Variants in SUFU observed in about 807,000 individuals in gnomAD.
SUFU encodes the protein SUFU negative regulator of hedgehog signaling.
SUFU carries 7 observed loss-of-function variants against 58.9 expected under a neutral mutation model. The ratio of observed to expected loss-of-function variants is 0.12; its 90% CI spans 0.07 to 0.22. The LOEUF is 0.22. Ranked by LOEUF, SUFU falls within the 10% of genes least tolerant of loss-of-function variation. The pLI, the probability that SUFU is intolerant of heterozygous loss-of-function variation, is 1.00. For synonymous variants in SUFU, 232 were observed against 254.8 expected, an observed-to-expected ratio of 0.91 and a Z score of 0.85; for missense variants, 451 against 641.3, an observed-to-expected ratio of 0.70 and a Z score of 3.20.
rs934595025 is a variant in SUFU, at chr10:102,632,962, C to T, written c.*2807C>T. ...TGCCTCTTCCTGCCCGTATCTTTCT[C>T]TTCCAAGGGCAGTGCTCCAAGGCAG... is the stretch of plus-strand genomic sequence containing the variant. On this transcript the variant is annotated 3_prime_UTR_variant, in exon 12 of 12. Coordinates refer to ENST00000369902, the MANE Select transcript of SUFU (RefSeq NM_016169.4). 4.3e-5 allele frequency: 10 copies of T among 233,344 alleles called. No homozygotes were observed. The highest frequency in any genetic ancestry group is 8.8e-5 in the African/African-American group (4 of 45,350). The allele number at this position is 233,344 out of a possible 1,614,324, so 14.5% of individuals were successfully genotyped here.
chr10:102,581,957 A>C (rs1051169534), intron 3 of SUFU, among the ~76,000 whole-genome samples: 1 of 151,880 alleles, frequency 6.6e-6, no homozygotes, highest in Admixed American at 6.6e-5. Context: ...GCTTTGGGTC[A>C]CCTCCCATTT....
chr10:102,589,442 C>CTTTCTTTTTTTTT (rs1554851911), intron 3 of SUFU, among the ~76,000 whole-genome samples: 1 of 65,358 alleles, frequency 1.5e-5, no homozygotes, highest in African/African-American at 6.3e-5. Flanking sequence ...TTCTTTCTTT[C>CTTTCTTTTTTTTT]TTTTTTTTTT....
chr10:102,596,064 G>A (rs946008985), intron 6 of SUFU, among the ~76,000 whole-genome samples: 15 of 152,152 alleles, frequency 9.9e-5, no homozygotes, highest in African/African-American at 3.1e-4. Flanking sequence ...GCCTCTTCCT[G>A]CTCGGAACCC....
intron 2 of SUFU, among the ~76,000 whole-genome samples, chr10:102,548,932 A>G (rs1347032444): frequency 6.6e-6 from 1 of 152,228 alleles, no homozygotes; most frequent in Non-Finnish European, 1.5e-5. Context: ...AGGGCAACCC[A>G]TGCATCTCTA....
intron 2 of SUFU, among the ~76,000 whole-genome samples, chr10:102,535,819 T>G (rs1173634141): frequency 6.6e-6 from 1 of 152,194 alleles, no homozygotes; most frequent in Non-Finnish European, 1.5e-5. Flanking sequence ...CCTTGGCATA[T>G]GCATATGAAC....
At chr10:102,592,501 TG>T in intron 3 of SUFU, 80 bp from the exon 4 acceptor site, 1 of 1,573,680 alleles carries the variant, frequency 6.4e-7, no homozygotes, top group Non-Finnish European at 8.7e-7. Flanking sequence ...CCTCCCAGCC[TG>T]GGCTAGTGAG....
At chr10:102,582,876 G>T (rs1312245803) in intron 3 of SUFU, among the ~76,000 whole-genome samples, 1 of 152,162 alleles carries the variant, frequency 6.6e-6, no homozygotes, top group Admixed American at 6.5e-5. Context: ...CTGGGTGCGG[G>T]GGAGCCTCTG....
intron 2 of SUFU, among the ~76,000 whole-genome samples, chr10:102,535,356 C>T (rs1205276616): frequency 3.3e-5 from 5 of 151,896 alleles, no homozygotes; most frequent in Non-Finnish European, 7.4e-5. Context: ...CATGGTGGCA[C>T]ACGCCTGTAG....
intron 3 of SUFU, among the ~76,000 whole-genome samples, chr10:102,578,546 A>G (rs978462010): frequency 6.6e-6 from 1 of 151,936 alleles, no homozygotes; most frequent in Non-Finnish European, 1.5e-5. Flanking sequence ...TGTCTGTACT[A>G]AAAGTACAAA....
At chr10:102,607,529 T>C (rs1211573591) in intron 8 of SUFU, among the ~76,000 whole-genome samples, 1 of 152,160 alleles carries the variant, frequency 6.6e-6, no homozygotes, top group African/African-American at 2.4e-5. Context: ...CACAAACTGA[T>C]GGTGCAGTTA....
chr10:102,582,129 G>GT, intron 3 of SUFU, among the ~76,000 whole-genome samples: 1 of 152,284 alleles, frequency 6.6e-6, no homozygotes, highest in Non-Finnish European at 1.5e-5. Context: ...GGCTTTCACA[G>GT]CGCCAAGCTT....
chr10:102,592,838 C>G, intron 4 of SUFU, 114 bp downstream of exon 4: 1 of 1,225,982 alleles, frequency 8.2e-7, no homozygotes, highest in Non-Finnish European at 1.2e-6. Context: ...TGGCCTCGTC[C>G]TGATTTCTGT....
intron 2 of SUFU, among the ~76,000 whole-genome samples, chr10:102,517,055 G>A (rs907079271): frequency 6.6e-6 from 1 of 150,670 alleles, no homozygotes. Flanking sequence ...TCCAGGAGGT[G>A]GAGGTTGCAG....
At position 102,629,251 on chromosome 10, in the gene SUFU, T is replaced by A. The variant is rs1011928633; in HGVS notation, c.1366-815T>A. 1.3e-5 allele frequency among the ~76,000 whole-genome samples: 2 copies of A among 152,214 alleles called. No homozygotes were observed. Among genetic ancestry groups the A allele is most frequent in the African/African-American group, 4.8e-5 (2 of 41,456 alleles). On this transcript the variant is annotated intron_variant, in intron 11 of 11. Coordinates refer to ENST00000369902, the MANE Select transcript of SUFU (RefSeq NM_016169.4). This position sits in a 1 kb window ranked among gnomAD's most constrained non-coding sequence, Gnocchi z 4.7. ...AGCTCCATCTGTGTGCCAGACTGCA[T>A]GCAAAGTTCTACAGTAAAGAGGGAA...
intron 3 of SUFU, among the ~76,000 whole-genome samples, chr10:102,582,474 A>AT (rs1364295558): frequency 6.6e-6 from 1 of 152,070 alleles, no homozygotes; most frequent in African/African-American, 2.4e-5. Context: ...TCAAACCACC[A>AT]TAACTGAAGC....
At position 102,615,353 on chromosome 10, in the gene SUFU, C is replaced by T; in HGVS notation, c.1108C>T (p.His370Tyr). ...TCGCACGCGGCAGCTTGAGAGCGTA[C>T]ATCTGAAATTCAACCAGGAGTCCGG... is the stretch of plus-strand genomic sequence containing the variant. ...LIRTRQLESV[H>Y]LKFNQESGAL... The change falls in exon 9 of 12, where the codon CAT becomes TAT. Residue 370 changes from histidine (H) to tyrosine (Y), a missense_variant. Transcript: ENST00000369902. The T allele has an allele frequency of 1.2e-6, 2 of 1,614,140 alleles. No homozygotes were observed. Among genetic ancestry groups the T allele is most frequent in the Non-Finnish European group, 8.5e-7 (1 of 1,179,998 alleles).
rs1460626716 is a variant in SUFU, at chr10:102,629,848, C to T, written c.1366-218C>T. Among the ~76,000 whole-genome samples, 1 of 152,192 alleles carries T rather than the reference C, an allele frequency of 6.6e-6. No homozygotes were observed. The highest frequency in any genetic ancestry group is 1.5e-5 in the Non-Finnish European group (1 of 68,036). On this transcript the variant is annotated intron_variant, in intron 11 of 11. Transcript: ENST00000369902. This position sits in a 1 kb window ranked among gnomAD's most constrained non-coding sequence, Gnocchi z 4.7. ...GGAGAAAACGCCCTCCTCCAACCTG[C>T]CTCATTATTGACAGGCCGTGGGGAA...
chr10:102,603,056 C>G (rs2063528851), intron 8 of SUFU, among the ~76,000 whole-genome samples: 1 of 152,192 alleles, frequency 6.6e-6, no homozygotes, highest in South Asian at 2.1e-4. Context: ...TGGGCATCCT[C>G]TCTGTCTGAG....
chr10:102,535,812 T>A (rs1433384832), intron 2 of SUFU, among the ~76,000 whole-genome samples: 1 of 152,180 alleles, frequency 6.6e-6, no homozygotes, highest in Non-Finnish European at 1.5e-5. Context: ...GCCATGTCCT[T>A]GGCATATGCA....
Sources: allele counts gnomAD v4.1 joint callset (sites outside exome capture counted in the v4.1 genomes callset), GRCh38; gene constraint gnomAD v4.1.1; non-coding constraint Gnocchi (gnomAD v3.1); transcripts MANE v1.5; gene names NCBI Gene and HGNC (gene_info 2026-07-23, HGNC 2026-07-21).